The following TIMP3 variants were observed in gnomAD, a reference collection of about 807,000 sequenced individuals.
TIMP3 encodes metalloproteinase inhibitor 3.
In TIMP3, 11 loss-of-function variants were observed where a neutral mutation model predicts 30.0. The observed-to-expected ratio is 0.37, with a 90% CI of 0.23 to 0.61. The LOEUF (loss-of-function observed/expected upper bound fraction) is 0.61, where lower values mean the gene tolerates loss of function less well. Among genes scored for constraint, TIMP3 ranks in the 20% least tolerant of loss-of-function variants. The probability of loss-of-function intolerance (pLI) is 0.70; values close to 1 mark genes in which losing one functional copy is unlikely to be tolerated. For missense variants in TIMP3, 181 were observed against 276.8 expected (o/e 0.65, Z 2.45); for synonymous variants, 112 against 111.3 (o/e 1.01, Z -0.04).
chr22:32,812,792 C>G (rs1014236269), intron 1 of TIMP3, among the ~76,000 whole-genome samples: 1 of 152,124 alleles, frequency 6.6e-6, no homozygotes, highest in African/African-American at 2.4e-5. Context: ...AACGTGTGCC[C>G]CATTGGGCAG....
intron 1 of TIMP3, among the ~76,000 whole-genome samples, chr22:32,803,987 C>T (rs916120909): frequency 6.6e-5 from 10 of 152,178 alleles, no homozygotes; most frequent in Non-Finnish European, 1.3e-4. Context: ...CGTCTGCTTA[C>T]TGCTTAGGTT....
At chr22:32,838,401 G>A (rs948406913) in intron 1 of TIMP3, among the ~76,000 whole-genome samples, 1 of 152,216 alleles carries the variant, frequency 6.6e-6, no homozygotes, top group Admixed American at 6.5e-5. Context: ...CTGGAGGCCA[G>A]AGGGCCTGCA....
At chr22:32,814,738 G>C (rs1007309630) in intron 1 of TIMP3, among the ~76,000 whole-genome samples, 1 of 151,998 alleles carries the variant, frequency 6.6e-6, no homozygotes, top group Admixed American at 6.5e-5. Flanking sequence ...ATTCCTTCTG[G>C]TATCCCTCTG....
intron 1 of TIMP3, among the ~76,000 whole-genome samples, chr22:32,822,868 C>T (rs191527769): frequency 1.3e-5 from 2 of 151,360 alleles, no homozygotes; most frequent in Admixed American, 1.3e-4. Context: ...CCAGAATAGC[C>T]CTATGGTGCA....
At chr22:32,852,349 C>T (rs2048243242) in intron 2 of TIMP3, among the ~76,000 whole-genome samples, 1 of 152,068 alleles carries the variant, frequency 6.6e-6, no homozygotes. Flanking sequence ...TCCCAGGGAA[C>T]AAAAAGAGGT....
intron 1 of TIMP3, among the ~76,000 whole-genome samples, chr22:32,830,462 T>C (rs1397020997): frequency 2.0e-5 from 3 of 152,184 alleles, no homozygotes; most frequent in Non-Finnish European, 4.4e-5. Context: ...GGTGCCCAAG[T>C]GCTCATGTCT....
At chr22:32,823,952 C>T (rs181425) in intron 1 of TIMP3, among the ~76,000 whole-genome samples, 138,545 of 152,162 alleles carry the variant, frequency 0.91, 63,140 homozygotes, top group Middle Eastern at 0.94. Flanking sequence ...GAAGTCAGCA[C>T]ATAGAAAGTC....
intron 1 of TIMP3, among the ~76,000 whole-genome samples, chr22:32,842,778 A>C (rs1469883530): frequency 6.6e-6 from 1 of 152,208 alleles, no homozygotes; most frequent in Non-Finnish European, 1.5e-5. Flanking sequence ...ACAAAGGTCT[A>C]AACAGATGAT....
At chr22:32,832,399 TA>T (rs1352121370) in intron 1 of TIMP3, among the ~76,000 whole-genome samples, 1 of 151,954 alleles carries the variant, frequency 6.6e-6, no homozygotes. Flanking sequence ...TTTTGTACAA[TA>T]AAAAACAAGG....
At position 32,833,567 on chromosome 22, in the gene TIMP3, C is replaced by T. The variant is rs1057391319; in HGVS notation, c.122-15885C>T. On this transcript the variant is annotated intron_variant, in intron 1 of 4. Transcript: ENST00000266085. Reference sequence around the variant, plus strand: ...GAGTGACCCTGAAGGTCCCACCCAACCTAAAGTCTGTGGCCTGTGAAATGT... The same window carrying T: ...GAGTGACCCTGAAGGTCCCACCCAATCTAAAGTCTGTGGCCTGTGAAATGT... Among the ~76,000 whole-genome samples, 4 of 152,174 alleles carry T rather than the reference C, an allele frequency of 2.6e-5. No homozygotes were observed. The East Asian group carries it at 7.7e-4, about 29-fold the overall frequency.
chr22:32,827,601 T>C (rs1009404925), intron 1 of TIMP3, among the ~76,000 whole-genome samples: 1 of 12,542 alleles, frequency 8.0e-5, no homozygotes, highest in African/African-American at 9.8e-4. Context: ...CTCCCTTGCT[T>C]TTACAAGCCA....
chr22:32,850,381 C>T (rs981858542), intron 2 of TIMP3, among the ~76,000 whole-genome samples: 4 of 151,994 alleles, frequency 2.6e-5, no homozygotes, highest in Admixed American at 2.0e-4. Context: ...TCTAAGCACC[C>T]TGGGATGCGG....
chr22:32,824,096 G>A (rs1221967458), intron 1 of TIMP3, among the ~76,000 whole-genome samples: 1 of 152,010 alleles, frequency 6.6e-6, no homozygotes, highest in Non-Finnish European at 1.5e-5. Context: ...GGCTAACACG[G>A]TGAAACCCCA....
chr22:32,826,398 T>C (rs2047414069), intron 1 of TIMP3, among the ~76,000 whole-genome samples: 1 of 152,030 alleles, frequency 6.6e-6, no homozygotes, highest in African/African-American at 2.4e-5. Flanking sequence ...CACTGCACTA[T>C]AGCTTGGGAG....
intron 2 of TIMP3, among the ~76,000 whole-genome samples, chr22:32,854,691 G>A (rs578066510): frequency 2.6e-5 from 4 of 152,274 alleles, no homozygotes; most frequent in Admixed American, 1.3e-4. Flanking sequence ...AGTCATCATC[G>A]TGACTCTACC....
chr22:32,805,722 C>T (rs1031232028), intron 1 of TIMP3, among the ~76,000 whole-genome samples: 8 of 151,366 alleles, frequency 5.3e-5, no homozygotes, highest in African/African-American at 1.7e-4. Context: ...TCCAAGGCCA[C>T]CCAGTTGCTA....
intron 1 of TIMP3, among the ~76,000 whole-genome samples, chr22:32,825,699 A>G (rs1031871532): frequency 2.7e-5 from 3 of 111,406 alleles, no homozygotes; most frequent in Non-Finnish European, 5.3e-5. Context: ...AAAAAAAAAG[A>G]TGTGTGTATG....
intron 1 of TIMP3, among the ~76,000 whole-genome samples, chr22:32,828,863 T>C (rs2047489481): frequency 6.6e-6 from 1 of 151,998 alleles, no homozygotes; most frequent in Admixed American, 6.6e-5. Context: ...TCAGCCAAGC[T>C]TGGGGGAGAC....
chr22:32,857,964 G>C (rs955096382), intron 3 of TIMP3, 53 bp from the exon 4 acceptor site: 2 of 1,613,670 alleles, frequency 1.2e-6, no homozygotes, highest in Non-Finnish European at 8.5e-7. Context: ...ATTCTCTCTG[G>C]GCTAGGCTCT....
Sources: allele counts gnomAD v4.1 joint callset (sites outside exome capture counted in the v4.1 genomes callset), GRCh38; gene constraint gnomAD v4.1.1; transcripts MANE v1.5; gene names NCBI Gene and HGNC (gene_info 2026-07-23, HGNC 2026-07-21).